The following IL1RAPL2 variants were observed in gnomAD, a reference collection of about 807,000 sequenced individuals.
IL1RAPL2 encodes X-linked interleukin-1 receptor accessory protein-like 2.
In IL1RAPL2, 3 loss-of-function variants were observed where a neutral mutation model predicts 44.1. The ratio of observed to expected loss-of-function variants is 0.07; its 90% confidence interval spans 0.03 to 0.18. The LOEUF is 0.18. IL1RAPL2 is among the 10% of genes least tolerant of loss of function. IL1RAPL2 has a pLI of 1.00. For missense variants in IL1RAPL2, 391 were observed against 496.4 expected, an observed-to-expected ratio of 0.79 and a Z score of 2.02; for synonymous variants, 181 against 178.8, an observed-to-expected ratio of 1.01 and a Z score of -0.10.
chrX:104,733,550 G>A (rs1376849058), intron 2 of IL1RAPL2, among the ~76,000 whole-genome samples: 2 of 109,220 alleles, frequency 1.8e-5, no homozygotes, highest in South Asian at 7.9e-4. Flanking sequence ...AACTGGTGAG[G>A]TGGAGGTTGC....
intron 2 of IL1RAPL2, among the ~76,000 whole-genome samples, chrX:105,093,988 T>C (rs774863745): frequency 3.6e-5 from 4 of 112,087 alleles, no homozygotes; most frequent in Admixed American, 2.8e-4. Context: ...CAGTATTGCC[T>C]GGAATCCTTA....
intron 5 of IL1RAPL2, among the ~76,000 whole-genome samples, chrX:105,390,866 T>C (rs1026498574): frequency 2.7e-5 from 3 of 111,028 alleles, no homozygotes; most frequent in Non-Finnish European, 3.8e-5. Flanking sequence ...ATCAGATAAA[T>C]CTAGTGAATA....
intron 1 of IL1RAPL2, among the ~76,000 whole-genome samples, chrX:104,627,527 A>C (rs1929540938): frequency 9.0e-6 from 1 of 111,293 alleles, no homozygotes; most frequent in Admixed American, 9.6e-5. Context: ...AACACCAAAT[A>C]ATTATGTTAA....
intron 1 of IL1RAPL2, among the ~76,000 whole-genome samples, chrX:104,611,608 C>T (rs1017962862): frequency 1.8e-5 from 2 of 110,233 alleles, no homozygotes; most frequent in African/African-American, 3.3e-5. Context: ...GAGGCTGAGG[C>T]GGACAGATCA....
intron 1 of IL1RAPL2, among the ~76,000 whole-genome samples, chrX:104,655,484 G>A: frequency 8.9e-6 from 1 of 111,816 alleles, no homozygotes; most frequent in South Asian, 3.8e-4. Flanking sequence ...TTATTGATTT[G>A]CATATTTTGA....
rs2032350165 is a variant in IL1RAPL2, at chrX:105,078,630, G to T, written c.83-116845G>T. ...TGTTTGTCTGTGCCCTGCCCCCAGA[G>T]GTGGAGCCTACAGAGGCAGGCAGGC... On this transcript the variant is annotated intron_variant, in intron 2 of 10. Coordinates refer to ENST00000372582, the MANE Select transcript of IL1RAPL2 (RefSeq NM_017416.2). 3.5e-5 allele frequency among the ~76,000 whole-genome samples: 4 copies of T among 112,780 alleles called. No homozygotes were observed. In the South Asian group the frequency reaches 1.5e-3, roughly 41 times the overall value.
intron 5 of IL1RAPL2, among the ~76,000 whole-genome samples, chrX:105,454,765 C>T (rs2036043435): frequency 9.0e-6 from 1 of 111,476 alleles, no homozygotes; most frequent in Non-Finnish European, 1.9e-5. Flanking sequence ...ACAAGCTGCC[C>T]CTGGCAATGC....
At chrX:104,766,419 C>A (rs1306752775) in intron 2 of IL1RAPL2, among the ~76,000 whole-genome samples, 2 of 111,019 alleles carry the variant, frequency 1.8e-5, no homozygotes, top group African/African-American at 6.5e-5. Context: ...TTCTTCCCTC[C>A]TTCCCTCCTT....
At chrX:104,991,388 C>G (rs781157919) in intron 2 of IL1RAPL2, among the ~76,000 whole-genome samples, 2 of 111,238 alleles carry the variant, frequency 1.8e-5, no homozygotes, top group Non-Finnish European at 3.8e-5. Flanking sequence ...GGTTAAGAGT[C>G]TTAGAATCAG....
chrX:105,093,140 T>G (rs888551448), intron 2 of IL1RAPL2, among the ~76,000 whole-genome samples: 2 of 109,927 alleles, frequency 1.8e-5, no homozygotes, highest in Non-Finnish European at 3.8e-5. Context: ...TCCCCTCTTG[T>G]GCACTAGGGC....
chrX:104,756,422 T>G (rs1024301022), intron 2 of IL1RAPL2, among the ~76,000 whole-genome samples: 2 of 111,406 alleles, frequency 1.8e-5, no homozygotes, highest in African/African-American at 6.5e-5. Flanking sequence ...AGACTCATCT[T>G]GAAGTGTATG....
At chrX:104,887,734 A>C (rs950782568) in intron 2 of IL1RAPL2, among the ~76,000 whole-genome samples, 1 of 111,658 alleles carries the variant, frequency 9.0e-6, no homozygotes, top group African/African-American at 3.3e-5. Flanking sequence ...GTCCAGACTT[A>C]TGCTGCCCAA....
At chrX:104,814,862 C>A (rs912738800) in intron 2 of IL1RAPL2, among the ~76,000 whole-genome samples, 1 of 111,952 alleles carries the variant, frequency 8.9e-6, no homozygotes, top group Non-Finnish European at 1.9e-5. Flanking sequence ...CCCTCTGAAG[C>A]AGCCCAGGAG....
At chrX:105,027,194 T>C (rs1482368750) in intron 2 of IL1RAPL2, among the ~76,000 whole-genome samples, 8 of 111,359 alleles carry the variant, frequency 7.2e-5, no homozygotes, top group Middle Eastern at 4.2e-3. Flanking sequence ...AAGACTTAAA[T>C]CTAAGACCAC....
intron 2 of IL1RAPL2, among the ~76,000 whole-genome samples, chrX:105,092,453 C>A (rs1377121764): frequency 9.0e-6 from 1 of 111,566 alleles, no homozygotes. Context: ...GGACATGTTA[C>A]TCTCCTGGCA....
intron 2 of IL1RAPL2, among the ~76,000 whole-genome samples, chrX:104,711,051 A>G (rs1192885966): frequency 9.0e-6 from 1 of 111,644 alleles, no homozygotes; most frequent in Non-Finnish European, 1.9e-5. Context: ...ATAGGAGACA[A>G]CAGCTCTCTG....
intron 2 of IL1RAPL2, among the ~76,000 whole-genome samples, chrX:104,777,662 G>A (rs79708358): frequency 4.6e-5 from 5 of 107,909 alleles, no homozygotes; most frequent in African/African-American, 1.3e-4. Context: ...CTGCAACCTC[G>A]GCCTCCCCGG....
chrX:105,092,003 G>T (rs1355967865), intron 2 of IL1RAPL2, among the ~76,000 whole-genome samples: 2 of 112,344 alleles, frequency 1.8e-5, no homozygotes, highest in African/African-American at 6.5e-5. Context: ...CATTATTAAT[G>T]ATGGTACTTA....
At chrX:104,878,892 C>A (rs1277179691) in intron 2 of IL1RAPL2, among the ~76,000 whole-genome samples, 1 of 109,749 alleles carries the variant, frequency 9.1e-6, no homozygotes, top group Non-Finnish European at 1.9e-5. Flanking sequence ...AACGTGAGGA[C>A]CCAGGATACC....
Sources: gnomAD v4.1 joint callset for allele counts (sites outside exome capture counted in the v4.1 genomes callset) on GRCh38, gnomAD v4.1.1 for gene constraint, MANE v1.5 for transcripts, NCBI Gene and HGNC (gene_info 2026-07-23, HGNC 2026-07-21) for gene names.